The following ITGBL1 variants were observed in gnomAD, a reference collection of about 807,000 sequenced individuals.
ITGBL1 encodes integrin beta-like protein 1.
A neutral mutation model predicts 68.5 loss-of-function variants in ITGBL1; 51 were observed. That is an observed-to-expected ratio of 0.74 (90% CI 0.59 to 0.94). The LOEUF (loss-of-function observed/expected upper bound fraction) is 0.94, where lower values mean the gene tolerates loss of function less well. Ranked by LOEUF, ITGBL1 falls within the 40% of genes least tolerant of loss-of-function variation. The probability of loss-of-function intolerance (pLI) is 0.00; values close to 1 mark genes in which losing one functional copy is unlikely to be tolerated. For missense variants in ITGBL1, 649 were observed against 647.4 expected (o/e 1.00, Z -0.03); for synonymous variants, 209 against 227.3 (o/e 0.92, Z 0.72).
At chr13:101,476,070 G>A (rs1165632576) in intron 2 of ITGBL1, among the ~76,000 whole-genome samples, 3 of 152,278 alleles carry the variant, frequency 2.0e-5, no homozygotes, top group African/African-American at 7.2e-5. Flanking sequence ...CACTGTAATT[G>A]TGTGTAAAAT....
downstream of ITGBL1, chr13:101,718,239 T>C (rs2034798230): frequency 6.6e-6 from 1 of 152,164 alleles, no homozygotes; most frequent in Non-Finnish European, 1.5e-5. Context: ...TGTGTGTTTG[T>C]GTGTGTATGT....
At chr13:101,530,194 T>G (rs1000104093) in intron 2 of ITGBL1, among the ~76,000 whole-genome samples, 3 of 152,066 alleles carry the variant, frequency 2.0e-5, no homozygotes, top group East Asian at 3.9e-4. Context: ...CAAGTCTTAG[T>G]GTAGAACTAT....
chr13:101,526,586 GA>G (rs533749161), intron 2 of ITGBL1, among the ~76,000 whole-genome samples: 32 of 151,726 alleles, frequency 2.1e-4, no homozygotes, highest in Non-Finnish European at 3.4e-4. Flanking sequence ...CACAGGAATA[GA>G]AAGCCAAAGG....
intron 8 of ITGBL1, among the ~76,000 whole-genome samples, chr13:101,695,454 C>G (rs1424452706): frequency 6.6e-6 from 1 of 152,108 alleles, no homozygotes; most frequent in East Asian, 1.9e-4. Flanking sequence ...AGGCTTTACT[C>G]TAAAGGTGAC....
At chr13:101,457,052 G>C (rs1379927930) in intron 2 of ITGBL1, among the ~76,000 whole-genome samples, 2 of 152,174 alleles carry the variant, frequency 1.3e-5, no homozygotes, top group African/African-American at 4.8e-5. Context: ...GGGAATAACA[G>C]TACCTAACTT....
chr13:101,629,123 C>A (rs2031892884), intron 7 of ITGBL1, among the ~76,000 whole-genome samples: 2 of 152,036 alleles, frequency 1.3e-5, no homozygotes, highest in South Asian at 4.1e-4. Flanking sequence ...GGCTACCATG[C>A]CGTTTTTCTA....
At chr13:101,516,147 A>T (rs1468956911) in intron 2 of ITGBL1, among the ~76,000 whole-genome samples, 2 of 152,056 alleles carry the variant, frequency 1.3e-5, no homozygotes, top group African/African-American at 2.4e-5. Context: ...ATTTTGGTGC[A>T]CCTTGTATTT....
At chr13:101,581,129 C>G (rs769849568) in intron 5 of ITGBL1, among the ~76,000 whole-genome samples, 1 of 152,030 alleles carries the variant, frequency 6.6e-6, no homozygotes, top group Non-Finnish European at 1.5e-5. Flanking sequence ...CTTCCTTTTT[C>G]CCCATCTTCA....
intron 7 of ITGBL1, among the ~76,000 whole-genome samples, chr13:101,609,448 G>C (rs2031023206): frequency 6.6e-6 from 1 of 152,082 alleles, no homozygotes; most frequent in African/African-American, 2.4e-5. Flanking sequence ...TCAGTCATAT[G>C]ATGAAGCAGC....
rs377493581 is a variant in ITGBL1, at chr13:101,583,338, T to C, written c.850T>C (p.Ser284Pro). 1 of 1,592,212 alleles carries C rather than the reference T, an allele frequency of 6.3e-7. No individual in the cohort carries two copies. Among genetic ancestry groups the C allele is most frequent in the Non-Finnish European group, 8.5e-7 (1 of 1,169,834 alleles). Residue 284 changes from serine (S) to proline (P), a missense_variant, in exon 6 of 11, where the codon TCT (serine) becomes CCT (proline). Ser to Pro is a moderately conservative substitution (Grantham distance 74). Coordinates refer to ENST00000376180, the MANE Select transcript of ITGBL1 (RefSeq NM_004791.3). Reference protein sequence around the residue: ...RDCRAVYDRYSDDFCSGHGQC... With the variant: ...RDCRAVYDRYPDDFCSGHGQC... ...CTGTAGAGCTGTCTATGACCGATAT[T>C]CTGATGACTTCTGTTCAGGTAAGGG...
chr13:101,699,693 G>C (rs959979596), intron 8 of ITGBL1, among the ~76,000 whole-genome samples: 5 of 152,092 alleles, frequency 3.3e-5, no homozygotes, highest in African/African-American at 1.2e-4. Context: ...CCAAATTACC[G>C]AGTCTTGGGC....
At chr13:101,613,703 T>G (rs1217228691) in intron 7 of ITGBL1, among the ~76,000 whole-genome samples, 3 of 152,024 alleles carry the variant, frequency 2.0e-5, no homozygotes, top group Admixed American at 2.0e-4. Context: ...AAAAAAATCA[T>G]GGAGGAGATG....
rs5806226 is a variant in ITGBL1 at position 101,515,042 on chromosome 13, ATTGTG to A, written c.317-52654_317-52650del. 4.7e-3 allele frequency among the ~76,000 whole-genome samples: 711 copies of A among 152,240 alleles called. 38 individuals are homozygous for A. The East Asian group carries it at 0.12, about 26-fold the overall frequency. ...TCTAGAGTGAAAGTGTTCCAAACCC[ATTGTG>A]TTCTTATATAAAATACTTACAATGA... On this transcript the variant is annotated intron_variant, in intron 2 of 10. Coordinates refer to ENST00000376180, the MANE Select transcript of ITGBL1 (RefSeq NM_004791.3).
At chr13:101,509,962 A>G (rs942257761) in intron 2 of ITGBL1, among the ~76,000 whole-genome samples, 5 of 152,184 alleles carry the variant, frequency 3.3e-5, no homozygotes, top group Admixed American at 6.6e-5. Flanking sequence ...ATCTTGAAAG[A>G]ACAAAAGATA....
rs1179524601 is a variant in ITGBL1, at chr13:101,601,145, T to C, written c.1015+2846T>C. On this transcript the variant is annotated intron_variant, in intron 7 of 10. Transcript: ENST00000376180. The stretch of plus-strand genomic sequence containing the variant: ...TTGGTCTATTCAGAGATTCAACTTC[T>C]TCCTGGTTTAGTCTTGGGAGAGTGT... 3.3e-5 allele frequency among the ~76,000 whole-genome samples: 5 copies of C among 152,240 alleles called. No individual in the cohort carries two copies. The East Asian group carries it at 9.6e-4, about 29-fold the overall frequency.
intron 2 of ITGBL1, among the ~76,000 whole-genome samples, chr13:101,504,422 A>G (rs576709956): frequency 1.3e-5 from 2 of 152,204 alleles, no homozygotes; most frequent in Non-Finnish European, 2.9e-5. Flanking sequence ...ATTAAATAAG[A>G]TGATAATAAG....
Position 101,579,429 on chromosome 13 carries a change from T to G in ITGBL1, c.727+2T>G, listed in dbSNP as rs1448630395. On this transcript the variant is annotated splice_donor_variant, in intron 5 of 10. Transcript: ENST00000376180. LOFTEE classifies it high-confidence loss of function. ...ATGGCAAAATCTGCAGTAACAGAGG[T>G]GTGTCATTCATACATGTTACTACAT... is the stretch of plus-strand genomic sequence containing the variant. 1 of 1,613,166 alleles carries G rather than the reference T, an allele frequency of 6.2e-7. No homozygotes were observed. Among genetic ancestry groups the G allele is most frequent in the African/African-American group, 1.3e-5 (1 of 74,844 alleles).
intron 2 of ITGBL1, among the ~76,000 whole-genome samples, chr13:101,487,093 TATC>T (rs1322702467): frequency 6.6e-6 from 1 of 152,254 alleles, no homozygotes; most frequent in Non-Finnish European, 1.5e-5. Context: ...TAGCCTATCT[TATC>T]ATTTGTTACT....
At chr13:101,542,306 G>A (rs775381483) in intron 2 of ITGBL1, among the ~76,000 whole-genome samples, 26 of 152,190 alleles carry the variant, frequency 1.7e-4, no homozygotes, top group African/African-American at 4.8e-4. Flanking sequence ...CCTTCATTTC[G>A]TGATGTACCC....
Sources: gnomAD v4.1 joint callset for allele counts (sites outside exome capture counted in the v4.1 genomes callset) on GRCh38, gnomAD v4.1.1 for gene constraint, MANE v1.5 for transcripts, NCBI Gene and HGNC (gene_info 2026-07-23, HGNC 2026-07-21) for gene names.